The following TEX11 variants were observed in gnomAD, a reference collection of about 807,000 sequenced individuals.
TEX11 encodes testis-expressed protein 11.
In TEX11, 7 loss-of-function variants were observed where a neutral mutation model predicts 84.4. That is an observed-to-expected ratio of 0.08 (90% CI 0.05 to 0.16). TEX11 has a LOEUF of 0.16. Among genes scored for constraint, TEX11 ranks in the 10% least tolerant of loss-of-function variants. TEX11 has a pLI of 1.00. For missense variants in TEX11, 551 were observed against 660.5 expected, an observed-to-expected ratio of 0.83 and a Z score of 1.82; for synonymous variants, 264 against 222.8, an observed-to-expected ratio of 1.18 and a Z score of -1.64.
At chrX:70,717,322 CTT>C (rs1161423432) in intron 13 of TEX11, among the ~76,000 whole-genome samples, 8 of 102,165 alleles carry the variant, frequency 7.8e-5, no homozygotes, top group South Asian at 4.1e-4. Flanking sequence ...ACTTTCTTTT[CTT>C]TTTTTTTTTT....
chrX:70,566,692 A>G (rs1320527922), intron 25 of TEX11, among the ~76,000 whole-genome samples: 1 of 111,523 alleles, frequency 9.0e-6, no homozygotes, highest in Non-Finnish European at 1.9e-5. Flanking sequence ...TTCTGTTTAT[A>G]TGCTGGATTA....
At chrX:70,548,250 A>G (rs1273031509) in intron 28 of TEX11, among the ~76,000 whole-genome samples, 21 of 105,941 alleles carry the variant, frequency 2.0e-4, no homozygotes, top group African/African-American at 7.2e-4. Flanking sequence ...GGGGAACATC[A>G]CACACCGGGG....
At chrX:70,731,292 A>C (rs2090647985) in intron 11 of TEX11, among the ~76,000 whole-genome samples, 1 of 111,751 alleles carries the variant, frequency 8.9e-6, no homozygotes, top group Non-Finnish European at 1.9e-5. Flanking sequence ...AAGGCAAGAA[A>C]TAACTAAGAT....
At chrX:70,761,001 A>T (rs1347350302) in intron 9 of TEX11, among the ~76,000 whole-genome samples, 1 of 112,519 alleles carries the variant, frequency 8.9e-6, no homozygotes, top group Non-Finnish European at 1.9e-5. Context: ...GAACAGACAT[A>T]TGAAAACATG....
At chrX:70,711,061 A>T (rs1603231105) in intron 13 of TEX11, among the ~76,000 whole-genome samples, 1 of 109,730 alleles carries the variant, frequency 9.1e-6, no homozygotes, top group South Asian at 4.0e-4. Context: ...TCCTTGCGAT[A>T]GTTTGCTGAG....
intron 7 of TEX11, among the ~76,000 whole-genome samples, chrX:70,851,351 T>C (rs1268523355): frequency 1.8e-5 from 2 of 111,949 alleles, no homozygotes; most frequent in Non-Finnish European, 3.8e-5. Context: ...GGGGAAAGAA[T>C]AGTCTTCTCA....
At chrX:70,512,132 T>C in the TEX11 span, among the ~76,000 whole-genome samples, 2 of 108,436 alleles carry the variant, frequency 1.8e-5, no homozygotes, top group African/African-American at 6.9e-5. Flanking sequence ...ACCTTTGCCA[T>C]GCTTTTCCTT....
In TEX11 at chrX:70,602,693, T is replaced by C. The variant is rs1040524699; in HGVS notation, c.2067+2708A>G. Among the ~76,000 whole-genome samples, 3 of 107,989 alleles carry C rather than the reference T, an allele frequency of 2.8e-5. No individual in the cohort carries two copies. In the East Asian group the frequency reaches 8.6e-4, roughly 31 times the overall value. 93.8% of individuals were successfully genotyped at this position (107,989 alleles called of 115,157 possible). The stretch of plus-strand genomic sequence containing the variant: ...TCCTATTCAACATAGTGTTGGAAGT[T>C]CTGGCCACGGCAATTAGGCAGGAGA... On this transcript the variant is annotated intron_variant, in intron 24 of 29. Transcript: ENST00000374333.
intron 25 of TEX11, among the ~76,000 whole-genome samples, chrX:70,573,580 A>G (rs940638516): frequency 2.7e-5 from 3 of 111,531 alleles, no homozygotes; most frequent in African/African-American, 9.8e-5. Context: ...ACCCATGAGA[A>G]CTAATCTCTG....
intron 15 of TEX11, chrX:70,673,350 T>G (rs2090041450): frequency 9.0e-6 from 1 of 111,393 alleles, no homozygotes; most frequent in Non-Finnish European, 1.9e-5. Context: ...CCCAAACTCC[T>G]AGGCTCGAGC....
At chrX:70,789,841 T>C (rs1211580322) in intron 9 of TEX11, among the ~76,000 whole-genome samples, 1 of 112,258 alleles carries the variant, frequency 8.9e-6, no homozygotes, top group African/African-American at 3.2e-5. Context: ...CTGGGTTCAC[T>C]GCAACGCTAC....
intron 13 of TEX11, among the ~76,000 whole-genome samples, chrX:70,687,495 T>C (rs1290093137): frequency 1.8e-5 from 2 of 109,213 alleles, no homozygotes; most frequent in African/African-American, 6.6e-5. Context: ...AGCCAACAAA[T>C]ACCTTGATTT....
Position 70,529,023 on chromosome X carries a change from G to A in TEX11, c.*72C>T. 1.2e-6 allele frequency: 1 copy of A among 847,181 alleles called. No individual in the cohort carries two copies. The highest frequency in any genetic ancestry group is 1.7e-6 in the Non-Finnish European group (1 of 579,436). 69.8% of individuals were successfully genotyped at this position (847,181 alleles called of 1,213,427 possible). A position where few individuals can be genotyped will look rare whatever the true frequency, so the allele number is the denominator to read the frequency against. The stretch of plus-strand genomic sequence containing the variant: ...AGCAAACAGAAACAAAAGCTCAAGA[G>A]AAACTCTGGCAAAAATTTAAACAGT... On this transcript the variant is annotated 3_prime_UTR_variant, in exon 30 of 30. Coordinates refer to ENST00000374333, the MANE Select transcript of TEX11 (RefSeq NM_031276.3).
intron 9 of TEX11, among the ~76,000 whole-genome samples, chrX:70,750,998 T>C (rs1339889203): frequency 1.1e-5 from 1 of 87,941 alleles, no homozygotes; most frequent in Admixed American, 1.3e-4. Flanking sequence ...CTGGAGAGGA[T>C]GTGGAGAAAT....
intron 25 of TEX11, among the ~76,000 whole-genome samples, chrX:70,575,634 C>T (rs911833198): frequency 9.0e-6 from 1 of 111,551 alleles, no homozygotes; most frequent in African/African-American, 3.3e-5. Context: ...CGTAGACTTC[C>T]CAGCCTCCAG....
intron 7 of TEX11, among the ~76,000 whole-genome samples, chrX:70,848,222 T>C (rs190620895): frequency 5.3e-4 from 60 of 112,494 alleles, no homozygotes; most frequent in South Asian, 1.1e-3. Context: ...CAAAGAGGTA[T>C]ATTTGGGCTT....
chrX:70,807,752 T>C (rs779758081), intron 8 of TEX11, among the ~76,000 whole-genome samples: 6 of 111,480 alleles, frequency 5.4e-5, no homozygotes, highest in African/African-American at 1.6e-4. Context: ...TACATTCACA[T>C]AGCAGAAGTT....
chrX:70,618,642 T>C (rs1038913422), intron 20 of TEX11, among the ~76,000 whole-genome samples: 8 of 111,639 alleles, frequency 7.2e-5, no homozygotes, highest in Non-Finnish European at 1.3e-4. Flanking sequence ...CCCCAGGGTA[T>C]GAGTTTCGAC....
intron 17 of TEX11, among the ~76,000 whole-genome samples, chrX:70,644,825 T>G: frequency 1.0e-5 from 1 of 95,622 alleles, no homozygotes; most frequent in African/African-American, 3.8e-5. Flanking sequence ...TAATGCTAGA[T>G]GAGGAGTTAG....
Sources: gnomAD v4.1 joint callset for allele counts (sites outside exome capture counted in the v4.1 genomes callset) on GRCh38, gnomAD v4.1.1 for gene constraint, MANE v1.5 for transcripts, NCBI Gene and HGNC (gene_info 2026-07-23, HGNC 2026-07-21) for gene names.